The following LSAMP variants were observed in gnomAD, a reference collection of about 807,000 sequenced individuals.
LSAMP encodes limbic system-associated membrane protein.
A neutral mutation model predicts 38.6 loss-of-function variants in LSAMP; 7 were observed. The observed-to-expected ratio is 0.18, with a 90% CI of 0.10 to 0.34. LSAMP has a LOEUF of 0.34. Among genes scored for constraint, LSAMP ranks in the 10% least tolerant of loss-of-function variants. LSAMP has a pLI of 1.00. For synonymous variants in LSAMP, 154 were observed against 166.8 expected, an observed-to-expected ratio of 0.92 and a Z score of 0.59; for missense variants, 313 against 420.0, an observed-to-expected ratio of 0.75 and a Z score of 2.23.
At chr3:116,312,406 C>T (rs2047569433) in intron 1 of LSAMP, among the ~76,000 whole-genome samples, 1 of 152,180 alleles carries the variant, frequency 6.6e-6, no homozygotes, top group African/African-American at 2.4e-5. Context: ...TCATTCTGAG[C>T]ACCTTTAACA....
rs557630813 is a variant in LSAMP at position 116,137,793 on chromosome 3, C to T, written c.156-51237G>A. The stretch of plus-strand genomic sequence containing the variant: ...TTAGAGAAGATCAGGCTGATATTAA[C>T]CTAGATAATGATGGCCTTATCAAAG... On this transcript the variant is annotated intron_variant, in intron 1 of 6. Transcript: ENST00000490035. 1.2e-4 allele frequency among the ~76,000 whole-genome samples: 18 copies of T among 152,228 alleles called. 1 individual carries two copies. The South Asian group carries it at 3.7e-3, about 32-fold the overall frequency.
At chr3:115,971,864 GA>G (rs1283020936) in intron 3 of LSAMP, among the ~76,000 whole-genome samples, 2 of 152,070 alleles carry the variant, frequency 1.3e-5, no homozygotes, top group Non-Finnish European at 2.9e-5. Context: ...AGGCTTAGCA[GA>G]AATATAGCTT....
intron 1 of LSAMP, among the ~76,000 whole-genome samples, chr3:116,294,193 A>G (rs2047301333): frequency 6.6e-6 from 1 of 152,176 alleles, no homozygotes; most frequent in African/African-American, 2.4e-5. Context: ...CTTGACATTG[A>G]ACACTGGCAC....
chr3:115,820,453 G>T (rs1285112078), intron 6 of LSAMP, among the ~76,000 whole-genome samples: 1 of 152,208 alleles, frequency 6.6e-6, no homozygotes, highest in Non-Finnish European at 1.5e-5. Flanking sequence ...CACATGCTTA[G>T]ATCTTAGCTC....
At chr3:115,879,946 T>C (rs1936279967) in intron 3 of LSAMP, among the ~76,000 whole-genome samples, 1 of 152,144 alleles carries the variant, frequency 6.6e-6, no homozygotes, top group Non-Finnish European at 1.5e-5. Context: ...TGTTTGTGAA[T>C]CTGAATTCAT....
chr3:115,952,952 C>G (rs1938339951), intron 3 of LSAMP, among the ~76,000 whole-genome samples: 2 of 152,160 alleles, frequency 1.3e-5, no homozygotes, highest in Non-Finnish European at 2.9e-5. Context: ...TTTCATTTAA[C>G]CTTGTCAAAA....
chr3:116,439,358 C>A (rs1213378093), intron 1 of LSAMP, among the ~76,000 whole-genome samples: 1 of 149,252 alleles, frequency 6.7e-6, no homozygotes, highest in Non-Finnish European at 1.5e-5. Flanking sequence ...ACTTAAGATG[C>A]CCACCTGTGG....
At chr3:116,363,791 G>T (rs1244328368) in intron 1 of LSAMP, among the ~76,000 whole-genome samples, 37 of 150,058 alleles carry the variant, frequency 2.5e-4, no homozygotes, top group African/African-American at 7.7e-4. Flanking sequence ...TGCAGAAAAG[G>T]CCTTTGAAAA....
rs1297885243 is a variant in LSAMP at position 116,205,339 on chromosome 3, C to A, written c.156-118783G>T. 9.7e-5 allele frequency among the ~76,000 whole-genome samples: 12 copies of A among 124,016 alleles called. No individual in the cohort carries two copies. In the South Asian group the frequency reaches 2.6e-3, roughly 27 times the overall value. 81.4% of individuals were successfully genotyped at this position (124,016 alleles called of 152,430 possible). A position where few individuals can be genotyped will look rare whatever the true frequency, so the allele number is the denominator to read the frequency against. On this transcript the variant is annotated intron_variant, in intron 1 of 6. Transcript: ENST00000490035. ...GGGTTTTCTAGATATACAATCATGT[C>A]GTCTGCAAACAGGGACAATTTGACT...
intron 1 of LSAMP, among the ~76,000 whole-genome samples, chr3:116,116,769 TG>T (rs914382074): frequency 2.0e-5 from 3 of 151,904 alleles, no homozygotes; most frequent in African/African-American, 7.2e-5. Context: ...AAAATGTAAG[TG>T]GGTTCTTGGA....
intron 1 of LSAMP, among the ~76,000 whole-genome samples, chr3:116,251,905 C>T (rs1005055982): frequency 2.6e-5 from 4 of 152,168 alleles, no homozygotes; most frequent in Admixed American, 2.6e-4. Context: ...AAAACTCATT[C>T]TGCTTCTCAT....
At chr3:116,434,350 A>G (rs2049319045) in intron 1 of LSAMP, among the ~76,000 whole-genome samples, 1 of 152,236 alleles carries the variant, frequency 6.6e-6, no homozygotes, top group African/African-American at 2.4e-5. Flanking sequence ...TGAAATGCCT[A>G]TATTTCAGGC....
chr3:116,036,719 A>G (rs1941055532), intron 2 of LSAMP, among the ~76,000 whole-genome samples: 1 of 152,154 alleles, frequency 6.6e-6, no homozygotes, highest in African/African-American at 2.4e-5. Flanking sequence ...TAAGAGTATT[A>G]TTGAATTAGC....
At chr3:116,196,086 GGTCA>G (rs796182284) in intron 1 of LSAMP, among the ~76,000 whole-genome samples, 1 of 152,212 alleles carries the variant, frequency 6.6e-6, no homozygotes, top group African/African-American at 2.4e-5. Flanking sequence ...GAGCCATAAG[GGTCA>G]GTGCCCTTCA....
At chr3:115,850,903 C>A (rs1014824414) in intron 4 of LSAMP, among the ~76,000 whole-genome samples, 1 of 152,166 alleles carries the variant, frequency 6.6e-6, no homozygotes, top group Non-Finnish European at 1.5e-5. Flanking sequence ...TAAAGTAAGA[C>A]TAATGATGCT....
chr3:116,036,288 A>G (rs1040858340), intron 2 of LSAMP, among the ~76,000 whole-genome samples: 2 of 152,148 alleles, frequency 1.3e-5, no homozygotes, highest in Admixed American at 6.5e-5. Context: ...TTCTTCCTCC[A>G]TTGAATGGAG....
At chr3:116,155,007 T>C (rs573007530) in intron 1 of LSAMP, among the ~76,000 whole-genome samples, 1 of 78,430 alleles carries the variant, frequency 1.3e-5, no homozygotes, top group African/African-American at 4.4e-5. Context: ...CATTTCTTCA[T>C]GAATGTTTTG....
At chr3:116,038,954 G>A (rs1337581472) in intron 2 of LSAMP, among the ~76,000 whole-genome samples, 1 of 152,150 alleles carries the variant, frequency 6.6e-6, no homozygotes, top group Non-Finnish European at 1.5e-5. Flanking sequence ...ATTTACTTCA[G>A]GTTTTCATGA....
At chr3:116,366,175 G>GA (rs558187558) in intron 1 of LSAMP, among the ~76,000 whole-genome samples, 24 of 148,734 alleles carry the variant, frequency 1.6e-4, no homozygotes, top group South Asian at 8.5e-4. Context: ...AAACTTACAA[G>GA]AAAAAAAAAA....
Sources: gnomAD v4.1 joint callset for allele counts (sites outside exome capture counted in the v4.1 genomes callset) on GRCh38, gnomAD v4.1.1 for gene constraint, MANE v1.5 for transcripts, NCBI Gene and HGNC (gene_info 2026-07-23, HGNC 2026-07-21) for gene names.